Variants in VWF observed in about 807,000 individuals in gnomAD.
VWF encodes the protein Factor VIII related antigen.
A neutral mutation model predicts 308.6 loss-of-function variants in VWF; 176 were observed. The observed-to-expected ratio is 0.57, with a 90% confidence interval of 0.50 to 0.65. The LOEUF is 0.65. Among genes scored for constraint, VWF ranks in the 30% least tolerant of loss-of-function variants. The pLI is 0.00. For synonymous variants in VWF, 1,385 were observed against 1,443.4 expected (o/e 0.96, Z 0.92); for missense variants, 3,146 against 3,648.2 (o/e 0.86, Z 3.55).
intron 3 of VWF, among the ~76,000 whole-genome samples, chr12:6,113,547 G>C (rs1290758872): frequency 6.6e-6 from 1 of 152,150 alleles, no homozygotes; most frequent in African/African-American, 2.4e-5. Flanking sequence ...GCCTGCCTGG[G>C]CCTCCCAAAG....
Position 6,110,985 on chromosome 12 carries a change from T to C in VWF, c.221-17A>G. ...GGAAGTCCCCTGAAAGAGAAAAAAGTCAATAGTAGTGATTATTACTCCTCT... is the reference window on the plus strand; with the variant it reads ...GGAAGTCCCCTGAAAGAGAAAAAAGCCAATAGTAGTGATTATTACTCCTCT... On this transcript the variant is annotated splice_polypyrimidine_tract_variant and intron_variant, in intron 3 of 51. Transcript: ENST00000261405. The C allele has an allele frequency of 1.3e-6, 2 of 1,593,500 alleles. No individual in the cohort carries two copies. The highest frequency in any genetic ancestry group is 1.7e-6 in the Non-Finnish European group (2 of 1,161,352).
At chr12:6,095,266 G>C in intron 6 of VWF, 194 bp downstream of exon 6, 1 of 792,818 alleles carries the variant, frequency 1.3e-6, no homozygotes. Context: ...CAAGTCATTA[G>C]CCCAGACTCA....
At chr12:6,113,584 G>A (rs567086452) in intron 3 of VWF, among the ~76,000 whole-genome samples, 4 of 152,298 alleles carry the variant, frequency 2.6e-5, no homozygotes, top group Admixed American at 6.5e-5. Context: ...GTGAGCCACC[G>A]TGCCCTGCAA....
At chr12:6,026,228 C>T (rs1944191012) in intron 22 of VWF, among the ~76,000 whole-genome samples, 182 bp from the exon 23 acceptor site, 1 of 152,166 alleles carries the variant, frequency 6.6e-6, no homozygotes, top group Non-Finnish European at 1.5e-5. Flanking sequence ...ATTGCCAAGA[C>T]CCATTCCTGA....
chr12:6,019,482 C>A lies in VWF; in HGVS notation c.3936G>T (p.Lys1312Asn), dbSNP rs1591863336. 6.2e-7 allele frequency: 1 copy of A among 1,613,988 alleles called. No homozygotes were observed. Among genetic ancestry groups the A allele is most frequent in the African/African-American group, 1.3e-5 (1 of 75,054 alleles). Residue 1312 changes from lysine to asparagine, a missense_variant, in exon 28 of 52, where the codon AAG (lysine) becomes AAT (asparagine). By Grantham distance (94) the Lys-to-Asn change is moderately conservative (BLOSUM62 0). Coordinates refer to ENST00000261405, the MANE Select transcript of VWF (RefSeq NM_000552.5). This position sits in a 1 kb window ranked among gnomAD's most constrained non-coding sequence, Gnocchi z 5.8. ...ACTCCACCACGGCCACGCGGACCCACTTCTGGGAGATGCGCAGCCGCTCCA... is the reference window on the plus strand; with the variant it reads ...ACTCCACCACGGCCACGCGGACCCAATTCTGGGAGATGCGCAGCCGCTCCA... The part of the protein sequence containing the change: ...DMMERLRISQ[K>N]WVRVAVVEYH...
chr12:5,977,792 C>T (rs561100789), intron 42 of VWF, among the ~76,000 whole-genome samples: 1 of 151,084 alleles, frequency 6.6e-6, no homozygotes, highest in Non-Finnish European at 1.5e-5. Context: ...ATCGTCTGAG[C>T]CTAGGGGGTG....
chr12:5,983,876 GATACATAGGATAGATAGAGAC>G (rs1943642047), intron 40 of VWF, among the ~76,000 whole-genome samples: 1 of 151,768 alleles, frequency 6.6e-6, no homozygotes, highest in Admixed American at 6.6e-5. Context: ...ATAGATGATA[GATACATAGGATAGATAGAGAC>G]AGGATAGATG....
At chr12:6,033,182 A>G (rs73263039) in intron 20 of VWF, among the ~76,000 whole-genome samples, 37,155 of 152,222 alleles carry the variant, frequency 0.24, 4,806 homozygotes, top group African/African-American at 0.29. Context: ...AAAAGAGGAA[A>G]CAAGGGTGTA....
chr12:6,092,624 T>TGAGAGAGAGAGA lies in VWF; in HGVS notation c.657+2835_657+2836insTCTCTCTCTCTC, dbSNP rs1180180618. ...TAGTTAGTGAGTGAGTGAGAGTGTG[T>TGAGAGAGAGAGA]GTGTGTGTGTGTGTGTGTGTGTGTG... On this transcript the variant is annotated intron_variant, in intron 6 of 51. Coordinates refer to ENST00000261405, the MANE Select transcript of VWF (RefSeq NM_000552.5). 9.2e-5 allele frequency among the ~76,000 whole-genome samples: 8 copies of TGAGAGAGAGAGA among 87,066 alleles called. 1 individual carries two copies. The highest frequency in any genetic ancestry group is 3.8e-4 in the African/African-American group (6 of 15,626). 57.1% of individuals were successfully genotyped at this position (87,066 alleles called of 152,430 possible). A position where few individuals can be genotyped will look rare whatever the true frequency, so the allele number is the denominator to read the frequency against.
chr12:5,950,477 A>G (rs1404285986), intron 50 of VWF, among the ~76,000 whole-genome samples: 1 of 151,992 alleles, frequency 6.6e-6, no homozygotes, highest in Admixed American at 6.6e-5. Flanking sequence ...CTGAATCTCT[A>G]CTTGGCCCAC....
At chr12:6,091,918 T>G (rs1412435140) in intron 6 of VWF, among the ~76,000 whole-genome samples, 1 of 152,144 alleles carries the variant, frequency 6.6e-6, no homozygotes, top group Admixed American at 6.5e-5. Flanking sequence ...CTCCTATGGC[T>G]TGTTTTCTCA....
chr12:6,065,121 G>T lies in VWF; in HGVS notation c.1293+16C>A. 2 of 1,614,104 alleles carry T rather than the reference G, an allele frequency of 1.2e-6. No individual in the cohort carries two copies. Among genetic ancestry groups the T allele is most frequent in the Non-Finnish European group, 1.7e-6 (2 of 1,180,026 alleles). ...TGGGCTACCACCCGACCAGCAGCCG[G>T]GCTGGCAAAGCTCACCTGGACAGTC... On this transcript the variant is annotated intron_variant, in intron 11 of 51. Coordinates refer to ENST00000261405, the MANE Select transcript of VWF (RefSeq NM_000552.5).
At chr12:6,004,445 A>C (rs1164923840) in intron 34 of VWF, among the ~76,000 whole-genome samples, 1 of 152,110 alleles carries the variant, frequency 6.6e-6, no homozygotes, top group Non-Finnish European at 1.5e-5. Context: ...AAAATACATG[A>C]TATGTGTGTG....
At chr12:6,074,567 C>A (rs1017842241) in intron 7 of VWF, among the ~76,000 whole-genome samples, 2 of 152,008 alleles carry the variant, frequency 1.3e-5, no homozygotes, top group African/African-American at 4.8e-5. Context: ...TTCCTCACAC[C>A]CCCACCACAG....
chr12:6,092,614 T>TGAGTGAGAGAGAGAGAGAGAGA lies in VWF; in HGVS notation c.657+2845_657+2846insTCTCTCTCTCTCTCTCTCACTC, dbSNP rs71064187. 2.1e-3 allele frequency among the ~76,000 whole-genome samples: 181 copies of TGAGTGAGAGAGAGAGAGAGAGA among 85,934 alleles called. 1 individual carries two copies. Among genetic ancestry groups the TGAGTGAGAGAGAGAGAGAGAGA allele is most frequent in the Middle Eastern group, 0.011 (2 of 190 alleles). 56.4% of individuals were successfully genotyped at this position (85,934 alleles called of 152,430 possible). On this transcript the variant is annotated intron_variant, in intron 6 of 51. Coordinates refer to ENST00000261405, the MANE Select transcript of VWF (RefSeq NM_000552.5). The stretch of plus-strand genomic sequence containing the variant: ...CATGCCCAGCTAGTTAGTGAGTGAG[T>TGAGTGAGAGAGAGAGAGAGAGA]GAGAGTGTGTGTGTGTGTGTGTGTG...
chr12:5,993,473 A>G (rs771103963), intron 37 of VWF, among the ~76,000 whole-genome samples: 3 of 152,206 alleles, frequency 2.0e-5, no homozygotes, highest in Admixed American at 6.5e-5. Context: ...TTTCAAATTC[A>G]ATGTGACTGG....
At chr12:6,105,903 C>T (rs902309185) in intron 5 of VWF, among the ~76,000 whole-genome samples, 13 of 151,786 alleles carry the variant, frequency 8.6e-5, no homozygotes, top group African/African-American at 3.1e-4. Context: ...ATTAGCTGTG[C>T]GTGGTGGCAT....
intron 18 of VWF, among the ~76,000 whole-genome samples, chr12:6,037,932 A>C (rs991907975): frequency 2.6e-5 from 4 of 152,192 alleles, no homozygotes; most frequent in Non-Finnish European, 4.4e-5. Flanking sequence ...GGAAATAGGA[A>C]GAATCCTCCA....
At chr12:6,042,738 G>A (rs12368446) in intron 18 of VWF, among the ~76,000 whole-genome samples, 6,012 of 152,248 alleles carry the variant, frequency 0.039, 143 homozygotes, top group Middle Eastern at 0.068. Flanking sequence ...TTGAGGTCCC[G>A]CTGTCCTCTT....
Sources: allele counts gnomAD v4.1 joint callset (sites outside exome capture counted in the v4.1 genomes callset), GRCh38; gene constraint gnomAD v4.1.1; non-coding constraint Gnocchi (gnomAD v3.1); transcripts MANE v1.5; gene names NCBI Gene and HGNC (gene_info 2026-07-23, HGNC 2026-07-21).